DLGAP1: variants seen among roughly 807,000 people sequenced by gnomAD.
DLGAP1 encodes the protein DLG associated protein 1, also known as disks large-associated protein 1.
In DLGAP1, 11 loss-of-function variants were observed where a neutral mutation model predicts 90.8. The ratio of observed to expected loss-of-function variants is 0.12; its 90% confidence interval spans 0.08 to 0.20. The LOEUF (loss-of-function observed/expected upper bound fraction) is 0.20. DLGAP1 is among the 10% of genes least tolerant of loss of function. DLGAP1 has a pLI of 1.00. For synonymous variants in DLGAP1, 558 were observed against 540.7 expected (o/e 1.03, Z -0.44); for missense variants, 1,050 against 1,333.8 (o/e 0.79, Z 3.31).
At chr18:3,698,045 T>C (rs1043475499) in intron 7 of DLGAP1, among the ~76,000 whole-genome samples, 14 of 152,218 alleles carry the variant, frequency 9.2e-5, no homozygotes, top group Admixed American at 9.2e-4. Flanking sequence ...TTGGTAAATA[T>C]TCCTCCATCC....
chr18:3,990,385 A>G (rs2073937927), intron 3 of DLGAP1, among the ~76,000 whole-genome samples: 1 of 151,362 alleles, frequency 6.6e-6, no homozygotes, highest in Non-Finnish European at 1.5e-5. Context: ...TCACAAGGAC[A>G]AAAAAACCAA....
At chr18:3,534,656 T>G in intron 9 of DLGAP1, 41 bp from the exon 10 acceptor site, 1 of 1,476,498 alleles carries the variant, frequency 6.8e-7, no homozygotes, top group South Asian at 1.4e-5. Context: ...AGAGGATATT[T>G]CTTTCTTTCC....
At chr18:3,558,223 T>G (rs2053870265) in intron 9 of DLGAP1, among the ~76,000 whole-genome samples, 2 of 152,078 alleles carry the variant, frequency 1.3e-5, no homozygotes, top group South Asian at 4.1e-4. Flanking sequence ...CAAGAACTCA[T>G]GTATTTTGTA....
At chr18:3,741,120 A>ACCATCACCATCACCACCACATCACC in intron 6 of DLGAP1, among the ~76,000 whole-genome samples, 1 of 116,282 alleles carries the variant, frequency 8.6e-6, no homozygotes, top group Non-Finnish European at 1.7e-5. Flanking sequence ...CACCACCACC[A>ACCATCACCATCACCACCACATCACC]TCACCACCAC....
chr18:4,402,770 T>C (rs2082582511), intron 1 of DLGAP1, among the ~76,000 whole-genome samples: 1 of 152,230 alleles, frequency 6.6e-6, no homozygotes, highest in African/African-American at 2.4e-5. Flanking sequence ...GTTATGTCTG[T>C]AGCCAGCAGC....
At chr18:3,847,047 T>C (rs2069056373) in intron 4 of DLGAP1, among the ~76,000 whole-genome samples, 2 of 152,232 alleles carry the variant, frequency 1.3e-5, no homozygotes, top group South Asian at 4.1e-4. Flanking sequence ...ATATGATCTT[T>C]TAAATATATT....
chr18:4,230,334 C>T (rs1472318767), intron 1 of DLGAP1, among the ~76,000 whole-genome samples: 1 of 152,050 alleles, frequency 6.6e-6, no homozygotes, highest in Non-Finnish European at 1.5e-5. Flanking sequence ...CTGCACTCTG[C>T]ACTCCCGTGT....
At chr18:3,983,537 C>T (rs932498814) in intron 3 of DLGAP1, 12 of 152,266 alleles carry the variant, frequency 7.9e-5, no homozygotes, top group African/African-American at 2.9e-4. Context: ...ATCTCAAGTA[C>T]CACCGCTACT....
chr18:3,925,465 C>T (rs1356128798), intron 3 of DLGAP1, among the ~76,000 whole-genome samples: 1 of 152,086 alleles, frequency 6.6e-6, no homozygotes, highest in Non-Finnish European at 1.5e-5. Context: ...TCAGGCTCAG[C>T]CTTGGGGTGC....
intron 7 of DLGAP1, among the ~76,000 whole-genome samples, chr18:3,691,015 T>C (rs918161496): frequency 1.3e-5 from 2 of 152,200 alleles, no homozygotes; most frequent in African/African-American, 4.8e-5. Flanking sequence ...GGAAGGTGTA[T>C]ATAAGGGTCT....
intron 2 of DLGAP1, among the ~76,000 whole-genome samples, chr18:4,079,515 T>G (rs889287722): frequency 1.3e-5 from 2 of 151,782 alleles, no homozygotes; most frequent in East Asian, 3.9e-4. Context: ...AGTGGCATAA[T>G]GGGCACTGGA....
intron 7 of DLGAP1, among the ~76,000 whole-genome samples, chr18:3,647,638 G>C (rs1382024569): frequency 1.3e-5 from 2 of 151,980 alleles, no homozygotes; most frequent in Non-Finnish European, 2.9e-5. Flanking sequence ...GCTAATTTTT[G>C]TATTTTTAGT....
chr18:4,095,802 G>C (rs946133359), intron 2 of DLGAP1, among the ~76,000 whole-genome samples: 1 of 152,042 alleles, frequency 6.6e-6, no homozygotes, highest in African/African-American at 2.4e-5. Flanking sequence ...AACAACTTCA[G>C]ATTTGACTTC....
At chr18:4,181,852 G>T (rs2077214017) in intron 1 of DLGAP1, among the ~76,000 whole-genome samples, 1 of 152,114 alleles carries the variant, frequency 6.6e-6, no homozygotes, top group Non-Finnish European at 1.5e-5. Flanking sequence ...TACTGAGAAA[G>T]TAATAGCAGT....
At chr18:4,452,703 C>T (rs1598444855) in intron 1 of DLGAP1, among the ~76,000 whole-genome samples, 2 of 152,138 alleles carry the variant, frequency 1.3e-5, no homozygotes, top group South Asian at 2.1e-4. Context: ...TCACTAATCG[C>T]TAATATGCTT....
chr18:4,448,099 G>A (rs1043545283), intron 1 of DLGAP1, among the ~76,000 whole-genome samples: 5 of 152,088 alleles, frequency 3.3e-5, no homozygotes, highest in Admixed American at 6.6e-5. Context: ...CTGAAAGTCG[G>A]TCCTTCTTCC....
chr18:4,454,365 G>T lies in DLGAP1; in HGVS notation c.-267+641C>A, dbSNP rs1024668674. 9.9e-5 allele frequency among the ~76,000 whole-genome samples: 15 copies of T among 152,104 alleles called. No individual in the cohort carries two copies. In the South Asian group the frequency reaches 3.1e-3, roughly 32 times the overall value. On this transcript the variant is annotated intron_variant, in intron 1 of 12. Transcript: ENST00000315677. The surrounding 1 kb of genome is among the most constrained non-coding windows in gnomAD (Gnocchi z 4.7). ...CTCCGGGAATTGGCCTTGGCCGCGG[G>T]CAGGGGGCGACTCTCCAGTGACCTC... is the stretch of plus-strand genomic sequence containing the variant.
chr18:3,704,558 C>T (rs1171428591), intron 7 of DLGAP1, among the ~76,000 whole-genome samples: 1 of 151,452 alleles, frequency 6.6e-6, no homozygotes, highest in Non-Finnish European at 1.5e-5. Context: ...GCCTGGGTGA[C>T]ACAGCGAGAC....
rs1555677355 is a variant in DLGAP1 at position 3,551,601 on chromosome 18, TTTTC to T, written c.2057+15885_2057+15888del. 2.2e-4 allele frequency among the ~76,000 whole-genome samples: 6 copies of T among 27,612 alleles called. 2 individuals carry two copies. Among genetic ancestry groups the T allele is most frequent in the African/African-American group, 3.8e-4 (6 of 15,712 alleles). 18.1% of individuals were successfully genotyped at this position (27,612 alleles called of 152,430 possible). ...TTTTCTTTTCTTTCTTTCTTTTTCT[TTTTC>T]TTTCTTTCTTTCTTTTTCTTTCTTT... On this transcript the variant is annotated intron_variant, in intron 9 of 12. Transcript: ENST00000315677.
Sources: gnomAD v4.1 joint callset for allele counts (sites outside exome capture counted in the v4.1 genomes callset) on GRCh38, gnomAD v4.1.1 for gene constraint, Gnocchi (gnomAD v3.1) non-coding constraint, MANE v1.5 for transcripts, NCBI Gene and HGNC (gene_info 2026-07-23, HGNC 2026-07-21) for gene names.